Variants in FAM135B observed in about 807,000 individuals in gnomAD.
FAM135B encodes the protein family with sequence similarity 135 member B, also known as protein FAM135B.
A neutral mutation model predicts 127.7 loss-of-function variants in FAM135B; 43 were observed. The observed-to-expected ratio is 0.34, with a 90% CI of 0.26 to 0.43. The LOEUF is 0.43. Among genes scored for constraint, FAM135B ranks in the 20% least tolerant of loss-of-function variants. The pLI is 1.00. For missense variants in FAM135B, 1,558 were observed against 1,725.6 expected (o/e 0.90, Z 1.72); for synonymous variants, 670 against 665.1 (o/e 1.01, Z -0.11).
chr8:138,270,458 A>C (rs969517760), intron 3 of FAM135B, among the ~76,000 whole-genome samples: 1 of 152,224 alleles, frequency 6.6e-6, no homozygotes, highest in Non-Finnish European at 1.5e-5. Flanking sequence ...TGTGAGCTGG[A>C]AAGATGAGGA....
intron 1 of FAM135B, among the ~76,000 whole-genome samples, chr8:138,495,246 C>A (rs1264515050): frequency 6.6e-6 from 1 of 152,134 alleles, no homozygotes; most frequent in African/African-American, 2.4e-5. Flanking sequence ...AGTTAGTATC[C>A]CCATTCTCCA....
chr8:138,262,448 T>C (rs184786929), intron 4 of FAM135B, among the ~76,000 whole-genome samples: 1 of 152,328 alleles, frequency 6.6e-6, no homozygotes, highest in Admixed American at 6.5e-5. Context: ...TCTGTTTAAC[T>C]GGGAGTTTAT....
chr8:138,338,819 A>C (rs1486936131), intron 2 of FAM135B, among the ~76,000 whole-genome samples: 1 of 152,216 alleles, frequency 6.6e-6, no homozygotes, highest in African/African-American at 2.4e-5. Flanking sequence ...ATCTATGTTT[A>C]TTGTGGCACT....
chr8:138,311,163 A>G (rs1826657012), intron 2 of FAM135B, among the ~76,000 whole-genome samples: 1 of 152,200 alleles, frequency 6.6e-6, no homozygotes, highest in Non-Finnish European at 1.5e-5. Context: ...ACAAGGTTGG[A>G]GGTGATGGGA....
chr8:138,184,969 T>C (rs975482084), intron 9 of FAM135B, among the ~76,000 whole-genome samples: 6 of 152,152 alleles, frequency 3.9e-5, no homozygotes, highest in Non-Finnish European at 8.8e-5. Context: ...GAGAAATTGG[T>C]TTTTCTCAAA....
At chr8:138,392,483 G>C (rs189442086) in intron 1 of FAM135B, among the ~76,000 whole-genome samples, 4 of 152,260 alleles carry the variant, frequency 2.6e-5, no homozygotes, top group African/African-American at 7.2e-5. Flanking sequence ...GTCCTTTCTG[G>C]AGCTTGGATC....
intron 7 of FAM135B, among the ~76,000 whole-genome samples, chr8:138,213,134 A>C (rs1586789675): frequency 6.6e-6 from 1 of 152,226 alleles, no homozygotes; most frequent in East Asian, 1.9e-4. Context: ...ATCATGGCTA[A>C]GAAGTGACTC....
At chr8:138,171,181 A>ATC (rs1408901068) in intron 11 of FAM135B, among the ~76,000 whole-genome samples, 1 of 151,906 alleles carries the variant, frequency 6.6e-6, no homozygotes, top group Non-Finnish European at 1.5e-5. Flanking sequence ...ATTTCTTCTC[A>ATC]TCTCTCTCTC....
chr8:138,344,577 C>CTTTTTTT (rs869039075), intron 2 of FAM135B, among the ~76,000 whole-genome samples: 34 of 83,930 alleles, frequency 4.1e-4, no homozygotes, highest in African/African-American at 5.8e-4. Context: ...TTCTTTCTTT[C>CTTTTTTT]TTTTTTTTTT....
At chr8:138,447,413 C>T (rs1329398534) in intron 1 of FAM135B, among the ~76,000 whole-genome samples, 1 of 152,038 alleles carries the variant, frequency 6.6e-6, no homozygotes, top group East Asian at 1.9e-4. Context: ...CCCAAATGTC[C>T]AACAATGGTA....
At chr8:138,430,213 A>G (rs1175033434) in intron 1 of FAM135B, among the ~76,000 whole-genome samples, 1 of 152,128 alleles carries the variant, frequency 6.6e-6, no homozygotes. Context: ...CACTGTGCCC[A>G]TGCTGTTCCC....
At chr8:138,277,392 T>C (rs1823910377) in intron 3 of FAM135B, among the ~76,000 whole-genome samples, 1 of 152,212 alleles carries the variant, frequency 6.6e-6, no homozygotes, top group African/African-American at 2.4e-5. Flanking sequence ...GTTGCCTGCA[T>C]ACCTCAGAGT....
At chr8:138,214,219 C>T (rs539402759) in intron 7 of FAM135B, among the ~76,000 whole-genome samples, 2 of 152,274 alleles carry the variant, frequency 1.3e-5, no homozygotes, top group South Asian at 2.1e-4. Flanking sequence ...ATATCCCCGA[C>T]TCAAATACTC....
chr8:138,203,575 T>G (rs1817319952), intron 7 of FAM135B, among the ~76,000 whole-genome samples: 2 of 152,172 alleles, frequency 1.3e-5, no homozygotes, highest in Admixed American at 1.3e-4. Flanking sequence ...GGTCATATCA[T>G]CATCCACTGT....
intron 1 of FAM135B, among the ~76,000 whole-genome samples, chr8:138,394,785 C>T (rs939198751): frequency 1.3e-5 from 2 of 152,158 alleles, no homozygotes; most frequent in African/African-American, 4.8e-5. Context: ...CCCACTGCTA[C>T]TGGTGGAAGG....
rs142849373 is a variant in FAM135B at position 138,245,792 on chromosome 8, A to G, written c.543-2724T>C. Among the ~76,000 whole-genome samples, 306 of 152,302 alleles carry G rather than the reference A, an allele frequency of 2.0e-3. 1 individual carries two copies. The highest frequency in any genetic ancestry group is 6.8e-3 in the African/African-American group (282 of 41,552). On this transcript the variant is annotated intron_variant, in intron 6 of 19. Coordinates refer to ENST00000395297, the MANE Select transcript of FAM135B (RefSeq NM_015912.4). ...TGGAACAGTTTGAAGGGCTCAGAGG[A>G]AGATAGGAAAATGTGAGAAAGTTTG...
chr8:138,328,327 G>A (rs1335659733), intron 2 of FAM135B, among the ~76,000 whole-genome samples: 1 of 152,142 alleles, frequency 6.6e-6, no homozygotes, highest in East Asian at 1.9e-4. Flanking sequence ...GACCAGGCTG[G>A]GGAAGCCGGG....
At chr8:138,278,010 C>A (rs1000358374) in intron 3 of FAM135B, among the ~76,000 whole-genome samples, 22 of 152,162 alleles carry the variant, frequency 1.4e-4, no homozygotes, top group African/African-American at 5.1e-4. Flanking sequence ...TGCCCTTTGA[C>A]CCCACAGCAG....
chr8:138,461,083 T>C (rs965681764), intron 1 of FAM135B, among the ~76,000 whole-genome samples: 1 of 152,146 alleles, frequency 6.6e-6, no homozygotes, highest in African/African-American at 2.4e-5. Flanking sequence ...TAATCCTTTG[T>C]TATAAGTTTC....
Sources: gnomAD v4.1 joint callset for allele counts (sites outside exome capture counted in the v4.1 genomes callset) on GRCh38, gnomAD v4.1.1 for gene constraint, MANE v1.5 for transcripts, NCBI Gene and HGNC (gene_info 2026-07-23, HGNC 2026-07-21) for gene names.